Variants in MPPED2 observed in about 807,000 individuals in gnomAD.
MPPED2 encodes the protein metallophosphoesterase domain containing 2.
Under a neutral mutation model 33.0 loss-of-function variants are expected in MPPED2, and 5 were observed. The ratio of observed to expected loss-of-function variants is 0.15; its 90% CI spans 0.08 to 0.32. The LOEUF is 0.32. Ranked by LOEUF, MPPED2 falls within the 10% of genes least tolerant of loss-of-function variation. The probability of loss-of-function intolerance (pLI) is 1.00; values close to 1 mark genes in which losing one functional copy is unlikely to be tolerated. For synonymous variants in MPPED2, 136 were observed against 141.9 expected (o/e 0.96, Z 0.29); for missense variants, 275 against 372.1 (o/e 0.74, Z 2.15).
intron 2 of MPPED2, among the ~76,000 whole-genome samples, chr11:30,576,152 G>A (rs1221078749): frequency 6.6e-6 from 1 of 152,144 alleles, no homozygotes; most frequent in Non-Finnish European, 1.5e-5. Context: ...TTTTGAGATA[G>A]GCATTACTTT....
chr11:30,414,073 A>G (rs1948233124), intron 6 of MPPED2, among the ~76,000 whole-genome samples, 155 bp downstream of exon 6: 1 of 152,244 alleles, frequency 6.6e-6, no homozygotes, highest in Non-Finnish European at 1.5e-5. Flanking sequence ...AATATTTATC[A>G]GCTTTATATT....
At chr11:30,406,501 T>C (rs1424732370), downstream of MPPED2, among the ~76,000 whole-genome samples, 1 of 152,132 alleles carries the variant, frequency 6.6e-6, no homozygotes, top group African/African-American at 2.4e-5. Flanking sequence ...TCAGTGTTTT[T>C]CTCTCCCATG....
chr11:30,430,378 T>C (rs1339889629), intron 4 of MPPED2, among the ~76,000 whole-genome samples: 4 of 152,248 alleles, frequency 2.6e-5, no homozygotes, highest in African/African-American at 4.8e-5. Flanking sequence ...TAATAGCTTT[T>C]ATATTGAATA....
intron 2 of MPPED2, among the ~76,000 whole-genome samples, chr11:30,576,103 A>C: frequency 6.6e-6 from 1 of 152,240 alleles, no homozygotes; most frequent in Admixed American, 6.5e-5. Flanking sequence ...TATAAGCATT[A>C]ACATGTAATA....
At chr11:30,424,638 C>T (rs1259435966) in intron 4 of MPPED2, among the ~76,000 whole-genome samples, 3 of 152,108 alleles carry the variant, frequency 2.0e-5, no homozygotes, top group Admixed American at 2.0e-4. Context: ...TCTTGAATAT[C>T]CAGATGAAAG....
chr11:30,476,528 T>G (rs1401974692), intron 4 of MPPED2, among the ~76,000 whole-genome samples: 1 of 152,050 alleles, frequency 6.6e-6, no homozygotes, highest in African/African-American at 2.4e-5. Context: ...TTAAATTGCC[T>G]TGAAACTGTG....
chr11:30,555,352 T>A (rs1955914816), intron 2 of MPPED2, among the ~76,000 whole-genome samples: 1 of 152,164 alleles, frequency 6.6e-6, no homozygotes, highest in African/African-American at 2.4e-5. Context: ...GATATTAATA[T>A]CAAAGTGTGA....
intron 2 of MPPED2, among the ~76,000 whole-genome samples, chr11:30,579,006 T>A (rs1030962117): frequency 3.9e-4 from 39 of 101,258 alleles, no homozygotes; most frequent in African/African-American, 1.0e-3. Flanking sequence ...CTTTTCCTTT[T>A]TTTTTTTTTT....
intron 2 of MPPED2, among the ~76,000 whole-genome samples, chr11:30,542,307 G>A (rs1040454333): frequency 2.0e-5 from 3 of 151,882 alleles, no homozygotes; most frequent in Non-Finnish European, 4.4e-5. Context: ...TTTTTAATGT[G>A]TAGTAACACA....
chr11:30,386,847 G>C (rs994173811), exon 7 of MPPED2: 2 of 398,292 alleles, frequency 5.0e-6, no homozygotes, highest in Non-Finnish European at 8.8e-6. Flanking sequence ...AATAGCAAAA[G>C]CAATAGTAGT....
intron 2 of MPPED2, among the ~76,000 whole-genome samples, chr11:30,563,347 T>A (rs1451480736): frequency 6.6e-6 from 1 of 152,110 alleles, no homozygotes; most frequent in African/African-American, 2.4e-5. Flanking sequence ...GCAACGTAGA[T>A]CCCTCGTATG....
intron 3 of MPPED2, among the ~76,000 whole-genome samples, chr11:30,531,071 T>A (rs776049677): frequency 2.0e-5 from 3 of 152,224 alleles, no homozygotes; most frequent in Non-Finnish European, 2.9e-5. Context: ...TATTAACTAT[T>A]AGGTGGCAGG....
chr11:30,466,487 C>T (rs1046181239), intron 4 of MPPED2, among the ~76,000 whole-genome samples: 8 of 152,172 alleles, frequency 5.3e-5, no homozygotes, highest in African/African-American at 1.7e-4. Flanking sequence ...GGTGGGCTGT[C>T]CAGCTGGATC....
At chr11:30,436,007 T>C (rs1949306141) in intron 4 of MPPED2, among the ~76,000 whole-genome samples, 1 of 151,648 alleles carries the variant, frequency 6.6e-6, no homozygotes, top group South Asian at 2.1e-4. Context: ...AACTCCTTTA[T>C]GCGGTGTTCC....
chr11:30,432,737 A>G (rs975580520), intron 4 of MPPED2, among the ~76,000 whole-genome samples: 1 of 152,200 alleles, frequency 6.6e-6, no homozygotes, highest in Non-Finnish European at 1.5e-5. Context: ...ATTTTGATGT[A>G]TATATTTCTA....
chr11:30,458,197 T>C (rs1468216781), intron 4 of MPPED2, among the ~76,000 whole-genome samples: 1 of 152,156 alleles, frequency 6.6e-6, no homozygotes, highest in African/African-American at 2.4e-5. Flanking sequence ...GAAAATGTTT[T>C]GAGGGTGGAA....
At chr11:30,475,947 T>C (rs11031109) in intron 4 of MPPED2, among the ~76,000 whole-genome samples, 3 of 152,154 alleles carry the variant, frequency 2.0e-5, no homozygotes, top group Non-Finnish European at 4.4e-5. Context: ...CTATTGTGTG[T>C]GCAGTGGTAT....
At chr11:30,386,477 C>T (rs1590144358) in exon 7 of MPPED2, 1 of 339,052 alleles carries the variant, frequency 2.9e-6, no homozygotes, top group East Asian at 4.4e-5. Context: ...AAGCTGTAAG[C>T]CTTGGCAGCT....
chr11:30,491,644 G>A (rs1951986669), intron 4 of MPPED2, among the ~76,000 whole-genome samples: 1 of 152,166 alleles, frequency 6.6e-6, no homozygotes, highest in Non-Finnish European at 1.5e-5. Context: ...ATGAAACAGA[G>A]GCAGGCAGAT....
Sources: allele counts gnomAD v4.1 joint callset (sites outside exome capture counted in the v4.1 genomes callset), GRCh38; gene constraint gnomAD v4.1.1; transcripts MANE v1.5; gene names NCBI Gene and HGNC (gene_info 2026-07-23, HGNC 2026-07-21).